The following CTNND2 variants were observed in gnomAD, a reference collection of about 807,000 sequenced individuals.
CTNND2 encodes catenin delta 2, also known as catenin delta-2.
A neutral mutation model predicts 144.4 loss-of-function variants in CTNND2; 22 were observed. That is an observed-to-expected ratio of 0.15 (90% CI 0.11 to 0.22). CTNND2 has a LOEUF of 0.22. Ranked by LOEUF, CTNND2 falls within the 10% of genes least tolerant of loss-of-function variation. The probability of loss-of-function intolerance (pLI) is 1.00; values close to 1 mark genes in which losing one functional copy is unlikely to be tolerated. For missense variants in CTNND2, 1,353 were observed against 1,618.8 expected, an observed-to-expected ratio of 0.84 and a Z score of 2.82; for synonymous variants, 751 against 695.6, an observed-to-expected ratio of 1.08 and a Z score of -1.25.
At chr5:11,669,637 C>A (rs1279835301) in intron 2 of CTNND2, among the ~76,000 whole-genome samples, 4 of 151,280 alleles carry the variant, frequency 2.6e-5, no homozygotes, top group Non-Finnish European at 5.9e-5. Context: ...TTTATTGTGT[C>A]TATTTGATTC....
chr5:11,509,900 T>C (rs931615979), intron 3 of CTNND2, among the ~76,000 whole-genome samples: 1 of 152,130 alleles, frequency 6.6e-6, no homozygotes, highest in African/African-American at 2.4e-5. Flanking sequence ...GAATCAAAGC[T>C]TCACAAGGTA....
intron 1 of CTNND2, among the ~76,000 whole-genome samples, chr5:11,801,965 C>T (rs1791706464): frequency 6.6e-6 from 1 of 151,986 alleles, no homozygotes; most frequent in African/African-American, 2.4e-5. Context: ...TCTGCAGGCT[C>T]GAGTGTGTAT....
intron 1 of CTNND2, among the ~76,000 whole-genome samples, chr5:11,891,578 A>G (rs1186609239): frequency 6.6e-6 from 1 of 152,194 alleles, no homozygotes; most frequent in East Asian, 1.9e-4. Context: ...TGGGGCCCTC[A>G]AGAAGGGATC....
At chr5:11,045,616 TCTC>T (rs961245730) in intron 16 of CTNND2, among the ~76,000 whole-genome samples, 1 of 152,000 alleles carries the variant, frequency 6.6e-6, no homozygotes. Flanking sequence ...CACATGGCCT[TCTC>T]CTCTGCGTCT....
intron 3 of CTNND2, among the ~76,000 whole-genome samples, chr5:11,538,404 T>C (rs1774421124): frequency 6.6e-6 from 1 of 152,172 alleles, no homozygotes; most frequent in Non-Finnish European, 1.5e-5. Flanking sequence ...CATTCAACTC[T>C]TTTGTTAAAC....
At chr5:11,420,044 G>T (rs2149851123) in intron 3 of CTNND2, among the ~76,000 whole-genome samples, 1 of 152,234 alleles carries the variant, frequency 6.6e-6, no homozygotes, top group Non-Finnish European at 1.5e-5. Flanking sequence ...CTGACCTCTG[G>T]CCAGGCGTGG....
At chr5:11,213,103 C>G (rs1738805837) in intron 10 of CTNND2, among the ~76,000 whole-genome samples, 1 of 152,192 alleles carries the variant, frequency 6.6e-6, no homozygotes, top group Non-Finnish European at 1.5e-5. Flanking sequence ...GCATAACACA[C>G]ACAGGGGTTT....
chr5:11,172,157 T>A (rs769757014), intron 11 of CTNND2, among the ~76,000 whole-genome samples: 2 of 152,194 alleles, frequency 1.3e-5, no homozygotes. Context: ...CTGGAAAATC[T>A]GGAAAGTGAT....
intron 2 of CTNND2, among the ~76,000 whole-genome samples, chr5:11,623,760 C>A (rs1780979351): frequency 7.6e-6 from 1 of 131,710 alleles, no homozygotes; most frequent in Non-Finnish European, 1.6e-5. Flanking sequence ...GTAAAGGGTT[C>A]AATTCAAGAA....
chr5:11,135,125 T>C (rs1580384100), intron 12 of CTNND2, among the ~76,000 whole-genome samples: 1 of 152,180 alleles, frequency 6.6e-6, no homozygotes, highest in East Asian at 2.0e-4. Context: ...GTGGCCACCC[T>C]GGGAATAACT....
intron 16 of CTNND2, among the ~76,000 whole-genome samples, chr5:11,053,542 G>A (rs1414753787): frequency 3.9e-5 from 6 of 152,198 alleles, no homozygotes; most frequent in African/African-American, 9.7e-5. Flanking sequence ...AGACAGTGCA[G>A]CGCTAATGGG....
intron 8 of CTNND2, among the ~76,000 whole-genome samples, chr5:11,359,576 T>G (rs778281564): frequency 1.3e-5 from 2 of 152,204 alleles, no homozygotes; most frequent in African/African-American, 4.8e-5. Context: ...GGAGCCACCA[T>G]GCTGGCTCTG....
chr5:11,196,006 C>T (rs1415268869), intron 11 of CTNND2, among the ~76,000 whole-genome samples: 1 of 152,122 alleles, frequency 6.6e-6, no homozygotes, highest in African/African-American at 2.4e-5. Context: ...AGAGATATTG[C>T]CGTGCAAACA....
At chr5:11,845,887 A>C (rs554121813) in intron 1 of CTNND2, among the ~76,000 whole-genome samples, 1 of 152,316 alleles carries the variant, frequency 6.6e-6, no homozygotes, top group East Asian at 1.9e-4. Flanking sequence ...GTCTATATTT[A>C]GAAAAGCATA....
chr5:11,633,506 G>A (rs1581638858), intron 2 of CTNND2, among the ~76,000 whole-genome samples: 1 of 152,122 alleles, frequency 6.6e-6, no homozygotes, highest in African/African-American at 2.4e-5. Context: ...GGCCAGGCAC[G>A]GTGGCTCATG....
intron 1 of CTNND2, among the ~76,000 whole-genome samples, chr5:11,832,084 C>A (rs1793934169): frequency 1.3e-5 from 2 of 151,876 alleles, no homozygotes; most frequent in Non-Finnish European, 2.9e-5. Flanking sequence ...GAGATCGAGA[C>A]CATCCTGGCT....
chr5:11,700,630 G>T (rs1488805941), intron 2 of CTNND2, among the ~76,000 whole-genome samples: 1 of 152,108 alleles, frequency 6.6e-6, no homozygotes, highest in African/African-American at 2.4e-5. Context: ...CTCTTGGGCT[G>T]CCATCCTTTT....
intron 9 of CTNND2, among the ~76,000 whole-genome samples, chr5:11,286,263 G>C (rs1159594907): frequency 6.6e-6 from 1 of 152,004 alleles, no homozygotes; most frequent in Non-Finnish European, 1.5e-5. Context: ...CATGCCACCA[G>C]TTGGAAGAAT....
At position 11,554,946 on chromosome 5, in the gene CTNND2, A is replaced by C. The variant is rs61004560; in HGVS notation, c.287+9998T>G. ...ATATATCTACATATATAATACATAT[A>C]AAATGTACATAACATAAAAAAATGA... On this transcript the variant is annotated intron_variant, in intron 3 of 21. Coordinates refer to ENST00000304623, the MANE Select transcript of CTNND2 (RefSeq NM_001332.4). Among the ~76,000 whole-genome samples, 2,166 of 151,424 alleles carry C rather than the reference A, an allele frequency of 0.014. 96 individuals carry two copies. The East Asian group carries it at 0.15, about 10-fold the overall frequency.
Sources: allele counts gnomAD v4.1 joint callset (sites outside exome capture counted in the v4.1 genomes callset), GRCh38; gene constraint gnomAD v4.1.1; transcripts MANE v1.5; gene names NCBI Gene and HGNC (gene_info 2026-07-23, HGNC 2026-07-21).